Variants in SCHIP1 observed in about 807,000 individuals in gnomAD.
SCHIP1 encodes the protein schwannomin interacting protein 1, also known as schwannomin-interacting protein 1.
Under a neutral mutation model 29.7 loss-of-function variants are expected in SCHIP1, and 8 were observed. The observed-to-expected ratio is 0.27, with a 90% CI of 0.16 to 0.49. The LOEUF is 0.49. Among genes scored for constraint, SCHIP1 ranks in the 20% least tolerant of loss-of-function variants. The pLI is 0.99. For synonymous variants in SCHIP1, 76 were observed against 94.9 expected, an observed-to-expected ratio of 0.80 and a Z score of 1.16; for missense variants, 193 against 294.6, an observed-to-expected ratio of 0.66 and a Z score of 2.52.
the SCHIP1 span, among the ~76,000 whole-genome samples, chr3:159,828,374 T>TATATATATACAC: frequency 1.1e-5 from 1 of 94,732 alleles, no homozygotes; most frequent in African/African-American, 4.5e-5. Context: ...TATATATATA[T>TATATATATACAC]ACATATATAT....
chr3:159,628,069 T>G, the SCHIP1 span, among the ~76,000 whole-genome samples: 8 of 152,192 alleles, frequency 5.3e-5, no homozygotes, highest in Non-Finnish European at 8.8e-5. Context: ...AATTCTTAAG[T>G]TTTGAAGAGC....
the SCHIP1 span, among the ~76,000 whole-genome samples, chr3:159,607,061 G>A: frequency 2.0e-5 from 3 of 152,256 alleles, no homozygotes; most frequent in Middle Eastern, 3.4e-3. Flanking sequence ...CTTTTCACGG[G>A]CTAAACTGCA....
At chr3:159,882,562 T>G (rs554241355) in intron 2 of SCHIP1, among the ~76,000 whole-genome samples, 1 of 152,324 alleles carries the variant, frequency 6.6e-6, no homozygotes, top group East Asian at 1.9e-4. Context: ...TAATGACCAC[T>G]GCTCCTCTAG....
the SCHIP1 span, among the ~76,000 whole-genome samples, chr3:159,527,270 C>A: frequency 6.6e-6 from 1 of 152,180 alleles, no homozygotes; most frequent in Non-Finnish European, 1.5e-5. Flanking sequence ...ATGCAAATAT[C>A]CCCTGTTCTC....
At chr3:159,751,049 C>T in the SCHIP1 span, among the ~76,000 whole-genome samples, 5 of 152,098 alleles carry the variant, frequency 3.3e-5, no homozygotes, top group African/African-American at 1.2e-4. Flanking sequence ...AGTCGGCTTC[C>T]TGTTGAAAAT....
the SCHIP1 span, among the ~76,000 whole-genome samples, chr3:159,775,436 C>A: frequency 6.6e-6 from 1 of 152,180 alleles, no homozygotes; most frequent in Non-Finnish European, 1.5e-5. Flanking sequence ...CCTGGGCATA[C>A]CCCAGCTGAT....
the SCHIP1 span, among the ~76,000 whole-genome samples, chr3:159,424,845 G>C: frequency 6.6e-6 from 1 of 152,072 alleles, no homozygotes; most frequent in Admixed American, 6.5e-5. Flanking sequence ...CGGATCTCTC[G>C]GCAGAAACTC....
chr3:159,492,523 A>C, the SCHIP1 span, among the ~76,000 whole-genome samples: 3 of 152,240 alleles, frequency 2.0e-5, no homozygotes, highest in Non-Finnish European at 4.4e-5. Flanking sequence ...GAAATGAATG[A>C]AATGAAGCGA....
chr3:159,352,183 T>C, the SCHIP1 span, among the ~76,000 whole-genome samples: 1 of 152,118 alleles, frequency 6.6e-6, no homozygotes, highest in Admixed American at 6.5e-5. Flanking sequence ...ACACCTCTAA[T>C]ATGTTTTGGG....
the SCHIP1 span, among the ~76,000 whole-genome samples, chr3:159,720,869 G>A: frequency 6.6e-6 from 1 of 152,174 alleles, no homozygotes; most frequent in Non-Finnish European, 1.5e-5. Flanking sequence ...ACAGGTGTGA[G>A]CTACCACGCC....
the SCHIP1 span, among the ~76,000 whole-genome samples, chr3:159,602,260 G>T: frequency 0.043 from 6,475 of 152,166 alleles, 297 homozygotes; most frequent in African/African-American, 0.12. Flanking sequence ...TGTTTCCCAC[G>T]AGTTTTTTGT....
chr3:159,782,483 T>C, the SCHIP1 span, among the ~76,000 whole-genome samples: 2 of 152,370 alleles, frequency 1.3e-5, no homozygotes, highest in African/African-American at 2.4e-5. Context: ...TACCCTCTTA[T>C]GTCTATGTAC....
the SCHIP1 span, among the ~76,000 whole-genome samples, chr3:159,834,216 G>A: frequency 3.3e-5 from 5 of 152,308 alleles, no homozygotes; most frequent in African/African-American, 1.2e-4. Flanking sequence ...ATAGCACTGA[G>A]TAAACCAACC....
the SCHIP1 span, among the ~76,000 whole-genome samples, chr3:159,427,106 C>G: frequency 6.6e-6 from 1 of 152,116 alleles, no homozygotes; most frequent in African/African-American, 2.4e-5. Context: ...CTGGAATGGG[C>G]AAAAACTGGA....
At chr3:159,539,687 ACT>A in the SCHIP1 span, among the ~76,000 whole-genome samples, 10 of 134,876 alleles carry the variant, frequency 7.4e-5, 1 homozygote, top group Admixed American at 7.5e-4. Context: ...ATAGGACGTC[ACT>A]CTCCATTTTG....
chr3:159,570,040 T>A, the SCHIP1 span, among the ~76,000 whole-genome samples: 1 of 152,194 alleles, frequency 6.6e-6, no homozygotes, highest in African/African-American at 2.4e-5. Flanking sequence ...ATTCTGGATA[T>A]TAGCCCTTTG....
At chr3:159,564,038 C>T in the SCHIP1 span, among the ~76,000 whole-genome samples, 9 of 152,148 alleles carry the variant, frequency 5.9e-5, no homozygotes, top group African/African-American at 2.2e-4. Context: ...TTATGCCACT[C>T]ACATTTCTCA....
At chr3:159,751,629 C>T in the SCHIP1 span, among the ~76,000 whole-genome samples, 1 of 151,606 alleles carries the variant, frequency 6.6e-6, no homozygotes, top group East Asian at 1.9e-4. Context: ...ACTGCAAGCT[C>T]TGCCTCCCAG....
chr3:159,575,804 A>G, the SCHIP1 span, among the ~76,000 whole-genome samples: 1 of 152,070 alleles, frequency 6.6e-6, no homozygotes, highest in Non-Finnish European at 1.5e-5. Flanking sequence ...CTACACTCCT[A>G]AAAGCTTTGA....
Sources: gnomAD v4.1 joint callset for allele counts (sites outside exome capture counted in the v4.1 genomes callset) on GRCh38, gnomAD v4.1.1 for gene constraint, MANE v1.5 for transcripts, NCBI Gene and HGNC (gene_info 2026-07-23, HGNC 2026-07-21) for gene names.